GPATCH8: variants seen among roughly 807,000 people sequenced by gnomAD.
GPATCH8 encodes G-patch domain containing 8.
A neutral mutation model predicts 118.3 loss-of-function variants in GPATCH8; 18 were observed. The observed-to-expected ratio is 0.15, with a 90% CI of 0.11 to 0.23. The LOEUF (loss-of-function observed/expected upper bound fraction) is 0.23, where lower values mean the gene tolerates loss of function less well. Ranked by LOEUF, GPATCH8 falls within the 10% of genes least tolerant of loss-of-function variation. GPATCH8 has a pLI of 1.00. For synonymous variants in GPATCH8, 659 were observed against 684.7 expected, an observed-to-expected ratio of 0.96 and a Z score of 0.59; for missense variants, 1,631 against 1,873.8, an observed-to-expected ratio of 0.87 and a Z score of 2.39.
rs561330822 is a variant in GPATCH8 at position 44,399,290 on chromosome 17, T to C, written c.2787A>G (p.Ser929=). The C allele has an allele frequency of 6.2e-7, 1 of 1,613,892 alleles. No individual in the cohort carries two copies. The highest frequency in any genetic ancestry group is 1.1e-5 in the South Asian group (1 of 91,058). Residue 929 remains serine, a synonymous_variant, in exon 8 of 8, where the codon TCA becomes TCG. Coordinates refer to ENST00000591680, the MANE Select transcript of GPATCH8 (RefSeq NM_001002909.4). ...TGAGGCTATAGTCATCATCAGAAGA[T>C]GAATATTTGTGCCGTTTTGATCGGT... ...SKHRSKRHKY[S]SSDDDYSLSC... is the part of the protein sequence containing the mutation.
intron 1 of GPATCH8, among the ~76,000 whole-genome samples, chr17:44,485,786 ACTCC>A (rs1968730596): frequency 1.3e-5 from 2 of 151,786 alleles, no homozygotes; most frequent in Non-Finnish European, 2.9e-5. Context: ...TTGTACTGTG[ACTCC>A]CTGTTTACTT....
chr17:44,473,501 C>T (rs1355001819), intron 2 of GPATCH8: 1 of 152,178 alleles, frequency 6.6e-6, no homozygotes, highest in Admixed American at 6.6e-5. Flanking sequence ...AAACACAAGA[C>T]TAGGCTTTCA....
In GPATCH8 at chr17:44,397,358, T is replaced by G; in HGVS notation, c.*210A>C. On this transcript the variant is annotated 3_prime_UTR_variant, in exon 8 of 8. Coordinates refer to ENST00000591680, the MANE Select transcript of GPATCH8 (RefSeq NM_001002909.4). ...GAAACACAGAAGAGGGAGGGACAAA[T>G]TGAGAGGAGGACAGGAAAAAGAAAT... 1.5e-6 allele frequency: 1 copy of G among 679,728 alleles called. No homozygotes were observed. The highest frequency in any genetic ancestry group is 2.7e-6 in the Non-Finnish European group (1 of 371,750). The allele number at this position is 679,728 out of a possible 1,614,324, so 42.1% of individuals were successfully genotyped here. A position where few individuals can be genotyped will look rare whatever the true frequency, so the allele number is the denominator to read the frequency against.
At chr17:44,496,368 T>C (rs921283625) in intron 1 of GPATCH8, among the ~76,000 whole-genome samples, 2 of 152,214 alleles carry the variant, frequency 1.3e-5, no homozygotes, top group Admixed American at 6.5e-5. Context: ...ACTCTATGAC[T>C]TTTTTCTATT....
chr17:44,452,030 G>A (rs1169764068), intron 3 of GPATCH8, among the ~76,000 whole-genome samples: 2 of 152,064 alleles, frequency 1.3e-5, no homozygotes, highest in Non-Finnish European at 1.5e-5. Context: ...CAGCACTTTG[G>A]GAGGCCGATT....
At chr17:44,447,569 G>A (rs1048880902) in intron 3 of GPATCH8, among the ~76,000 whole-genome samples, 1 of 151,814 alleles carries the variant, frequency 6.6e-6, no homozygotes, top group Non-Finnish European at 1.5e-5. Context: ...TTGGCAAGCA[G>A]AGCCTGAGTC....
At position 44,396,795 on chromosome 17, in the gene GPATCH8, TAAG is replaced by T. The variant is rs1489930076; in HGVS notation, c.*770_*772del. 2.2e-6 allele frequency: 1 copy of T among 454,182 alleles called. No individual in the cohort carries two copies. Among genetic ancestry groups the T allele is most frequent in the Non-Finnish European group, 4.4e-6 (1 of 226,762 alleles). 28.1% of individuals were successfully genotyped at this position (454,182 alleles called of 1,614,324 possible). On this transcript the variant is annotated 3_prime_UTR_variant, in exon 8 of 8. Coordinates refer to ENST00000591680, the MANE Select transcript of GPATCH8 (RefSeq NM_001002909.4). ...TTTACATTAAAAAAATCCTATAAAT[TAAG>T]AAGGAAACATCAACACAACAGAAGA...
chr17:44,429,685 C>CACACACACACACACACACAA (rs1567976291), intron 5 of GPATCH8, among the ~76,000 whole-genome samples: 1 of 141,530 alleles, frequency 7.1e-6, no homozygotes, highest in Non-Finnish European at 1.5e-5. Context: ...CACACACACA[C>CACACACACACACACACACAA]AAAACAACAA....
intron 1 of GPATCH8, among the ~76,000 whole-genome samples, chr17:44,480,677 G>A (rs1242206488): frequency 1.3e-5 from 2 of 150,156 alleles, no homozygotes; most frequent in Admixed American, 6.6e-5. Flanking sequence ...CTGAGATCGC[G>A]CCATTGCACT....
chr17:44,478,419 G>A (rs11654428), intron 1 of GPATCH8, among the ~76,000 whole-genome samples: 82,175 of 151,904 alleles, frequency 0.54, 24,365 homozygotes, highest in Non-Finnish European at 0.67. Flanking sequence ...GGAGGCTGAA[G>A]TGGGAGCACT....
Position 44,400,087 on chromosome 17 carries a change from T to C in GPATCH8, c.1990A>G (p.Ser664Gly). 3 of 1,614,080 alleles carry C rather than the reference T, an allele frequency of 1.9e-6. No individual in the cohort carries two copies. The highest frequency in any genetic ancestry group is 2.5e-6 in the Non-Finnish European group (3 of 1,180,038). Residue 664 changes from serine to glycine, a missense_variant, in exon 8 of 8, where the codon AGC (serine) becomes GGC (glycine). Coordinates refer to ENST00000591680, the MANE Select transcript of GPATCH8 (RefSeq NM_001002909.4). ...ETEDTGRSLP[S>G]KKERSGKSHR... ...GACTTCCCAGATCGTTCTTTCTTGCTGGGAAGGCTTCTCCCTGTGTCTTCT... is the reference window on the plus strand; with the variant it reads ...GACTTCCCAGATCGTTCTTTCTTGCCGGGAAGGCTTCTCCCTGTGTCTTCT...
chr17:44,497,870 G>GT lies in GPATCH8; in HGVS notation c.45+5455dup, dbSNP rs1969780869. Among the ~76,000 whole-genome samples the GT allele has an allele frequency of 5.3e-5, 8 of 152,012 alleles. 2 individuals carry two copies. In the South Asian group the frequency reaches 1.2e-3, roughly 24 times the overall value. On this transcript the variant is annotated intron_variant, in intron 1 of 7. Transcript: ENST00000591680. Reference sequence around the variant, plus strand: ...CGGGAGGATTGCTTGAGCCCAGGAGGTGGAGACTGCATGAGCCAAGATCCC... The same window carrying GT: ...CGGGAGGATTGCTTGAGCCCAGGAGGTTGGAGACTGCATGAGCCAAGATCCC...
At chr17:44,421,970 C>A (rs771894719) in intron 6 of GPATCH8, among the ~76,000 whole-genome samples, 5 of 151,986 alleles carry the variant, frequency 3.3e-5, no homozygotes, top group Non-Finnish European at 5.9e-5. Context: ...GTGACTCTGT[C>A]CATCTCAGCC....
In GPATCH8 at chr17:44,398,918, G is replaced by A; in HGVS notation, c.3159C>T (p.Gly1053=). The A allele has an allele frequency of 2.5e-6, 4 of 1,614,140 alleles. No individual in the cohort carries two copies. Among genetic ancestry groups the A allele is most frequent in the Non-Finnish European group, 2.5e-6 (3 of 1,180,002 alleles). Residue 1053 remains glycine (G), a synonymous_variant, in exon 8 of 8, where the codon GGC becomes GGT. Transcript: ENST00000591680. ...RGEGPGKKDD[G]RGDDSKATGP... ...CTGTTGCTTTACTGTCATCTCCTCT[G>A]CCATCATCTTTCTTCCCAGGACCTT...
At chr17:44,469,890 TAC>T (rs771679770) in intron 2 of GPATCH8, among the ~76,000 whole-genome samples, 3 of 152,230 alleles carry the variant, frequency 2.0e-5, no homozygotes, top group Non-Finnish European at 4.4e-5. Flanking sequence ...TATAAAGAAT[TAC>T]AGTTTGGAAC....
intron 3 of GPATCH8, among the ~76,000 whole-genome samples, chr17:44,444,237 CATGAGTT>C (rs1221946097): frequency 5.1e-4 from 64 of 125,032 alleles, no homozygotes; most frequent in African/African-American, 1.9e-3. Context: ...AAAGAGAATT[CATGAGTT>C]ACTTTCAATT....
At chr17:44,454,838 A>G (rs1267124395) in intron 3 of GPATCH8, among the ~76,000 whole-genome samples, 1 of 152,236 alleles carries the variant, frequency 6.6e-6, no homozygotes, top group African/African-American at 2.4e-5. Context: ...TTCCATTAAA[A>G]AGGTCAAAGG....
At chr17:44,408,610 T>C (rs1335585398) in intron 6 of GPATCH8, among the ~76,000 whole-genome samples, 1 of 152,198 alleles carries the variant, frequency 6.6e-6, no homozygotes, top group African/African-American at 2.4e-5. Flanking sequence ...CTACATGACA[T>C]TGTCCAAAAG....
At chr17:44,435,177 T>C in intron 4 of GPATCH8, 26 bp from the exon 5 acceptor site, 1 of 1,044,306 alleles carries the variant, frequency 9.6e-7, no homozygotes, top group Non-Finnish European at 1.5e-6. Flanking sequence ...TATGATTAGA[T>C]TTAATTCCTA....
Sources: allele counts gnomAD v4.1 joint callset (sites outside exome capture counted in the v4.1 genomes callset), GRCh38; gene constraint gnomAD v4.1.1; transcripts MANE v1.5; gene names NCBI Gene and HGNC (gene_info 2026-07-23, HGNC 2026-07-21).